The following SCLT1 variants were observed in gnomAD, a reference collection of about 807,000 sequenced individuals.
SCLT1 encodes sodium channel-associated protein 1.
In SCLT1, 78 loss-of-function variants were observed where a neutral mutation model predicts 112.8. The ratio of observed to expected loss-of-function variants is 0.69; its 90% CI spans 0.58 to 0.83. The LOEUF is 0.83. SCLT1 is among the 40% of genes least tolerant of loss of function. The probability of loss-of-function intolerance (pLI) is 0.00; values close to 1 mark genes in which losing one functional copy is unlikely to be tolerated. For synonymous variants in SCLT1, 257 were observed against 254.7 expected, an observed-to-expected ratio of 1.01 and a Z score of -0.09; for missense variants, 747 against 770.4, an observed-to-expected ratio of 0.97 and a Z score of 0.36.
At chr4:128,885,097 A>G (rs1732791987) in intron 20 of SCLT1, among the ~76,000 whole-genome samples, 1 of 152,264 alleles carries the variant, frequency 6.6e-6, no homozygotes, top group Non-Finnish European at 1.5e-5. Flanking sequence ...AAACATCTAC[A>G]TAAAAGTTAA....
At chr4:128,886,683 T>C (rs1732916504) in intron 20 of SCLT1, among the ~76,000 whole-genome samples, 1 of 152,162 alleles carries the variant, frequency 6.6e-6, no homozygotes, top group Admixed American at 6.5e-5. Flanking sequence ...ATTCGTGAAG[T>C]GGTTACTGAC....
At position 128,959,917 on chromosome 4, in the gene SCLT1, C is replaced by T; in HGVS notation, c.870-140G>A. 4.6e-6 allele frequency: 3 copies of T among 654,316 alleles called. No homozygotes were observed. In the South Asian group the frequency reaches 5.8e-5, roughly 13 times the overall value. 40.5% of individuals were successfully genotyped at this position (654,316 alleles called of 1,614,324 possible). On this transcript the variant is annotated intron_variant, in intron 11 of 20. Coordinates refer to ENST00000281142, the MANE Select transcript of SCLT1 (RefSeq NM_144643.4). ...TATTTTCTCATTTGATACTCATTAC[C>T]CTTCTATAAAGTAGGTTTTACTATC...
At chr4:128,942,741 T>G in intron 17 of SCLT1, among the ~76,000 whole-genome samples, 1 of 152,272 alleles carries the variant, frequency 6.6e-6, no homozygotes, top group South Asian at 2.1e-4. Context: ...CTTAAATTGC[T>G]TTGGCAGGAA....
At chr4:129,068,795 T>C (rs772447859) in intron 2 of SCLT1, among the ~76,000 whole-genome samples, 4 of 152,214 alleles carry the variant, frequency 2.6e-5, no homozygotes, top group Non-Finnish European at 5.9e-5. Context: ...CAGCTATTTA[T>C]CTTTGTTTTT....
chr4:128,996,655 TTTATC>T (rs1162868342), intron 8 of SCLT1, among the ~76,000 whole-genome samples: 2 of 152,120 alleles, frequency 1.3e-5, no homozygotes, highest in African/African-American at 2.4e-5. Context: ...ACCATTTACT[TTTATC>T]TTAACCACCT....
At chr4:128,928,941 T>A (rs1033330721) in intron 18 of SCLT1, among the ~76,000 whole-genome samples, 2 of 152,172 alleles carry the variant, frequency 1.3e-5, no homozygotes, top group African/African-American at 4.8e-5. Flanking sequence ...GAAAATATTA[T>A]ATGAAATGAT....
In SCLT1 at chr4:128,992,190, G is replaced by A. The variant is rs13151322; in HGVS notation, c.663C>T (p.Ile221=). The A allele has an allele frequency of 0.13, 212,842 of 1,587,734 alleles. 15,628 individuals carry two copies. Among genetic ancestry groups the A allele is most frequent in the South Asian group, 0.18 (15,804 of 86,956 alleles). ...LKTVTEQSVI[I]EQLRKKLRQA... ...ACCTAAGTTTTTTTCGGAGTTGTTC[G>A]ATTATCACACTTTGTTCAGTTACTG... The change falls in exon 9 of 21, where the codon ATC becomes ATT. Residue 221 remains isoleucine (I), a synonymous_variant. Coordinates refer to ENST00000281142, the MANE Select transcript of SCLT1 (RefSeq NM_144643.4).
chr4:128,876,027 T>G (rs2125913580), intron 4 of SCLT1, among the ~76,000 whole-genome samples: 1 of 152,272 alleles, frequency 6.6e-6, no homozygotes, highest in Middle Eastern at 3.4e-3. Flanking sequence ...GATTGTTTCC[T>G]GCCTGAAACA....
At chr4:128,919,375 G>A (rs1267633789) in intron 18 of SCLT1, among the ~76,000 whole-genome samples, 1 of 152,114 alleles carries the variant, frequency 6.6e-6, no homozygotes, top group East Asian at 1.9e-4. Context: ...TGAAACTAAT[G>A]AGAACAAAGA....
chr4:129,087,904 A>T (rs1752535119), intron 1 of SCLT1, among the ~76,000 whole-genome samples: 1 of 151,760 alleles, frequency 6.6e-6, no homozygotes, highest in Admixed American at 6.6e-5. Context: ...TGGGAAACAT[A>T]GGGAGACCCT....
intron 2 of SCLT1, among the ~76,000 whole-genome samples, chr4:129,069,755 T>C (rs375666998): frequency 2.0e-5 from 3 of 152,260 alleles, no homozygotes; most frequent in South Asian, 4.1e-4. Flanking sequence ...TTTCTTTCTC[T>C]TGTCTGATCG....
downstream of SCLT1, among the ~76,000 whole-genome samples, chr4:128,880,998 G>C (rs1301748533): frequency 6.6e-6 from 1 of 152,172 alleles, no homozygotes; most frequent in African/African-American, 2.4e-5. Flanking sequence ...TCTTGAGCTA[G>C]AGGGTACCAG....
intron 17 of SCLT1, among the ~76,000 whole-genome samples, chr4:128,937,202 C>T (rs946376311): frequency 1.3e-5 from 2 of 151,518 alleles, no homozygotes; most frequent in South Asian, 2.1e-4. Flanking sequence ...CGCTTGAACC[C>T]AGGAGGTGGG....
chr4:128,918,913 C>T (rs1579374509), intron 18 of SCLT1, among the ~76,000 whole-genome samples: 2 of 152,230 alleles, frequency 1.3e-5, no homozygotes, highest in East Asian at 3.9e-4. Flanking sequence ...CACAGGAGCA[C>T]CCAGGTTCAT....
At chr4:128,904,259 T>G (rs1734530472) in intron 18 of SCLT1, among the ~76,000 whole-genome samples, 1 of 152,160 alleles carries the variant, frequency 6.6e-6, no homozygotes, top group South Asian at 2.1e-4. Context: ...ATAGTATCAC[T>G]GGGAAGTGCT....
At chr4:128,891,915 G>A (rs752008576) in intron 18 of SCLT1, among the ~76,000 whole-genome samples, 2 of 152,094 alleles carry the variant, frequency 1.3e-5, no homozygotes, top group Non-Finnish European at 2.9e-5. Flanking sequence ...AAAGTGCTGG[G>A]ATTATAGGCA....
chr4:129,036,538 G>A (rs1747196240), intron 5 of SCLT1: 1 of 151,186 alleles, frequency 6.6e-6, no homozygotes, highest in Non-Finnish European at 1.5e-5. Flanking sequence ...AAAATACTAA[G>A]ATTAAAAAAA....
At chr4:128,889,237 A>C (rs766121926) in intron 19 of SCLT1, among the ~76,000 whole-genome samples, 5 of 152,206 alleles carry the variant, frequency 3.3e-5, no homozygotes, top group Non-Finnish European at 7.3e-5. Flanking sequence ...CCTAACCCCC[A>C]GTATCTGGGA....
intron 18 of SCLT1, among the ~76,000 whole-genome samples, chr4:128,898,901 C>T (rs1021945960): frequency 1.7e-4 from 26 of 152,116 alleles, no homozygotes; most frequent in East Asian, 7.7e-4. Flanking sequence ...AACACCTCTA[C>T]GCAAATAAAC....
Sources: gnomAD v4.1 joint callset for allele counts (sites outside exome capture counted in the v4.1 genomes callset) on GRCh38, gnomAD v4.1.1 for gene constraint, MANE v1.5 for transcripts, NCBI Gene and HGNC (gene_info 2026-07-23, HGNC 2026-07-21) for gene names.